ZSWIM5: variants seen among roughly 807,000 people sequenced by gnomAD.
The protein encoded by ZSWIM5 is zinc finger SWIM domain-containing protein 5.
Under a neutral mutation model 119.6 loss-of-function variants are expected in ZSWIM5, and 55 were observed. That is an observed-to-expected ratio of 0.46 (90% CI 0.37 to 0.58). The LOEUF is 0.58. ZSWIM5 is among the 20% of genes least tolerant of loss of function. ZSWIM5 has a pLI of 0.00. For synonymous variants in ZSWIM5, 537 were observed against 606.9 expected (o/e 0.88, Z 1.69); for missense variants, 1,193 against 1,512.8 (o/e 0.79, Z 3.51).
At position 45,035,835 on chromosome 1, in the gene ZSWIM5, T is replaced by G; in HGVS notation, c.2156-12A>C. The stretch of plus-strand genomic sequence containing the variant: ...GCTGAAAGGACCTCCTGGAGGAAGA[T>G]AAGCCAGCCAGTTATTTATCTGTAT... On this transcript the variant is annotated splice_polypyrimidine_tract_variant and intron_variant, in intron 9 of 13. Transcript: ENST00000359600. The G allele has an allele frequency of 6.2e-7, 1 of 1,612,128 alleles. No individual in the cohort carries two copies. The highest frequency in any genetic ancestry group is 1.1e-5 in the South Asian group (1 of 91,014).
intron 11 of ZSWIM5, among the ~76,000 whole-genome samples, chr1:45,024,833 T>G (rs1002298127): frequency 2.0e-5 from 3 of 151,934 alleles, no homozygotes; most frequent in African/African-American, 7.3e-5. Context: ...TTTTGTATTT[T>G]TAGTAGAGAT....
At chr1:45,083,381 G>C (rs974792021) in intron 2 of ZSWIM5, among the ~76,000 whole-genome samples, 3 of 152,072 alleles carry the variant, frequency 2.0e-5, no homozygotes, top group South Asian at 4.2e-4. Context: ...TTCCTGAGTA[G>C]CTGGGACCAC....
At chr1:45,021,921 C>T (rs916965746) in intron 11 of ZSWIM5, among the ~76,000 whole-genome samples, 6 of 151,170 alleles carry the variant, frequency 4.0e-5, no homozygotes, top group Non-Finnish European at 7.4e-5. Flanking sequence ...ACTAAGGAGG[C>T]TGAGGCAGGA....
intron 4 of ZSWIM5, among the ~76,000 whole-genome samples, chr1:45,056,495 G>A (rs1232016438): frequency 6.6e-6 from 1 of 151,974 alleles, no homozygotes; most frequent in African/African-American, 2.4e-5. Flanking sequence ...TCAGGGGGCT[G>A]GGGCAGAAGA....
chr1:45,060,891 G>A (rs1256792225), intron 2 of ZSWIM5, among the ~76,000 whole-genome samples: 1 of 151,990 alleles, frequency 6.6e-6, no homozygotes, highest in African/African-American at 2.4e-5. Context: ...TTCCCAGGCT[G>A]GTCTCAAACT....
intron 2 of ZSWIM5, among the ~76,000 whole-genome samples, chr1:45,073,929 T>C (rs1377355840): frequency 2.0e-5 from 3 of 151,954 alleles, no homozygotes; most frequent in Non-Finnish European, 4.4e-5. Context: ...TTTTAAAGCA[T>C]TTTTATCATG....
intron 1 of ZSWIM5, among the ~76,000 whole-genome samples, chr1:45,116,110 C>T (rs1645556223): frequency 6.8e-6 from 1 of 147,598 alleles, no homozygotes; most frequent in Admixed American, 6.9e-5. Flanking sequence ...AGAGGGACAG[C>T]GAGACAGAGA....
chr1:45,161,006 T>TTTTTTTTTTTTTTTTTTTTTTTTTTTTTG (rs1645861083), intron 1 of ZSWIM5, among the ~76,000 whole-genome samples: 1 of 149,782 alleles, frequency 6.7e-6, no homozygotes, highest in Admixed American at 6.7e-5. Flanking sequence ...TTTTTTTTTT[T>TTTTTTTTTTTTTTTTTTTTTTTTTTTTTG]AGTAGAGACG....
chr1:45,164,466 A>G (rs1246407293), intron 1 of ZSWIM5, among the ~76,000 whole-genome samples: 1 of 152,136 alleles, frequency 6.6e-6, no homozygotes, highest in Non-Finnish European at 1.5e-5. Flanking sequence ...ATTCACACAT[A>G]ACAATATTAA....
At chr1:45,197,940 A>T (rs1355143246) in intron 1 of ZSWIM5, among the ~76,000 whole-genome samples, 1 of 152,262 alleles carries the variant, frequency 6.6e-6, no homozygotes, top group Non-Finnish European at 1.5e-5. Flanking sequence ...CAATGCCCCA[A>T]ATAAACCAGC....
intron 1 of ZSWIM5, among the ~76,000 whole-genome samples, chr1:45,107,175 C>T (rs1268809245): frequency 6.6e-6 from 1 of 151,972 alleles, no homozygotes; most frequent in Non-Finnish European, 1.5e-5. Flanking sequence ...CCTGCCACAT[C>T]CCCCTCTCTG....
chr1:45,143,296 A>G (rs984109744), intron 1 of ZSWIM5, among the ~76,000 whole-genome samples: 10 of 152,148 alleles, frequency 6.6e-5, no homozygotes, highest in African/African-American at 2.4e-4. Flanking sequence ...AAAGAATAAT[A>G]TACCACAACA....
At chr1:45,095,925 G>C (rs952642843) in intron 1 of ZSWIM5, among the ~76,000 whole-genome samples, 1 of 152,096 alleles carries the variant, frequency 6.6e-6, no homozygotes, top group Non-Finnish European at 1.5e-5. Flanking sequence ...TCAGTGCCTG[G>C]AACCTGGTAG....
chr1:45,065,172 T>C (rs1420585913), intron 2 of ZSWIM5, among the ~76,000 whole-genome samples: 2 of 152,184 alleles, frequency 1.3e-5, no homozygotes, highest in South Asian at 4.1e-4. Flanking sequence ...AGGAGATCCA[T>C]AGAGATAAAA....
intron 11 of ZSWIM5, among the ~76,000 whole-genome samples, chr1:45,028,584 C>T (rs895673868): frequency 2.0e-5 from 3 of 151,834 alleles, no homozygotes; most frequent in African/African-American, 7.3e-5. Context: ...GGCAAAACCC[C>T]ATCTCTACTA....
intron 2 of ZSWIM5, among the ~76,000 whole-genome samples, chr1:45,085,426 C>T (rs1254762029): frequency 2.0e-5 from 3 of 152,036 alleles, no homozygotes; most frequent in East Asian, 1.9e-4. Flanking sequence ...TCCCCTGAAA[C>T]GGGGAATTGT....
chr1:45,182,069 T>A (rs1275052328), intron 1 of ZSWIM5, among the ~76,000 whole-genome samples: 2 of 151,926 alleles, frequency 1.3e-5, no homozygotes, highest in Non-Finnish European at 2.9e-5. Flanking sequence ...AGGATCAAAT[T>A]CACACATAAC....
intron 1 of ZSWIM5, among the ~76,000 whole-genome samples, chr1:45,183,352 A>G (rs1433165212): frequency 2.0e-5 from 3 of 151,984 alleles, no homozygotes; most frequent in Non-Finnish European, 4.4e-5. Flanking sequence ...GAAAAGCAAG[A>G]GCAAACACAT....
At chr1:45,203,972 T>C (rs1038272521) in intron 1 of ZSWIM5, among the ~76,000 whole-genome samples, 2 of 152,138 alleles carry the variant, frequency 1.3e-5, no homozygotes, top group African/African-American at 2.4e-5. Context: ...TGTTTATATG[T>C]GTCTTCTGAA....
Sources: gnomAD v4.1 joint callset for allele counts (sites outside exome capture counted in the v4.1 genomes callset) on GRCh38, gnomAD v4.1.1 for gene constraint, MANE v1.5 for transcripts, NCBI Gene and HGNC (gene_info 2026-07-23, HGNC 2026-07-21) for gene names.